ZNF385D: variants seen among roughly 807,000 people sequenced by gnomAD.
ZNF385D encodes zinc finger protein 659.
ZNF385D carries 15 observed loss-of-function variants against 35.8 expected under a neutral mutation model. The observed-to-expected ratio is 0.42, with a 90% CI of 0.28 to 0.64. ZNF385D has a LOEUF of 0.64. Among genes scored for constraint, ZNF385D ranks in the 30% least tolerant of loss-of-function variants. The pLI, the probability that ZNF385D is intolerant of heterozygous loss-of-function variation, is 0.23. For synonymous variants in ZNF385D, 212 were observed against 186.8 expected (o/e 1.13, Z -1.10); for missense variants, 474 against 494.6 (o/e 0.96, Z 0.39).
chr3:21,579,499 G>T (rs1201582178), intron 2 of ZNF385D: 1 of 151,760 alleles, frequency 6.6e-6, no homozygotes, highest in Non-Finnish European at 1.5e-5. Context: ...TGAAATCCTG[G>T]TGCTATTAAA....
Position 22,159,099 on chromosome 3 carries a change from C to T in ZNF385D, c.325+9718G>A, listed in dbSNP as rs542383648. Among the ~76,000 whole-genome samples the T allele has an allele frequency of 5.9e-5, 9 of 151,662 alleles. No individual in the cohort carries two copies. In the East Asian group the frequency reaches 1.8e-3, roughly 30 times the overall value. On this transcript the variant is annotated intron_variant, in intron 3 of 5. Transcript: ENST00000494108. Reference sequence around the variant, plus strand: ...GGTAAAAGATGAAGAAACAAGGTAGCTCTATGTGTACTAAACAGATTTGAA... The same window carrying T: ...GGTAAAAGATGAAGAAACAAGGTAGTTCTATGTGTACTAAACAGATTTGAA...
intron 3 of ZNF385D, among the ~76,000 whole-genome samples, chr3:21,953,844 G>A (rs1477355911): frequency 3.3e-5 from 5 of 151,842 alleles, no homozygotes; most frequent in East Asian, 3.9e-4. Flanking sequence ...TTCTAATTAC[G>A]GTAGTAAACT....
chr3:21,817,506 T>C (rs2073203752), intron 3 of ZNF385D, among the ~76,000 whole-genome samples: 1 of 151,366 alleles, frequency 6.6e-6, no homozygotes, highest in Non-Finnish European at 1.5e-5. Context: ...GAACAACAAG[T>C]GGGTGAAGGA....
intron 3 of ZNF385D, among the ~76,000 whole-genome samples, chr3:22,093,112 C>T (rs1041728029): frequency 1.3e-5 from 2 of 151,704 alleles, no homozygotes; most frequent in African/African-American, 4.8e-5. Context: ...GTGTTGGTGC[C>T]AAATGAAACA....
chr3:21,813,519 A>G (rs1240990049), intron 3 of ZNF385D, among the ~76,000 whole-genome samples: 1 of 152,222 alleles, frequency 6.6e-6, no homozygotes, highest in Non-Finnish European at 1.5e-5. Context: ...GACCTGATGG[A>G]GCTGAAAACC....
chr3:21,962,101 A>G (rs1479964), intron 3 of ZNF385D, among the ~76,000 whole-genome samples: 104,046 of 151,888 alleles, frequency 0.69, 36,796 homozygotes, highest in Non-Finnish European at 0.77. Context: ...CCATCTCATT[A>G]AAGTGCAGAA....
Position 21,751,086 on chromosome 3 carries a change from G to A in ZNF385D, c.-170C>T. Reference sequence around the variant, plus strand: ...CCGCGGGATGAGCGCCTTGCAGGCTGCCTTTCCAGGGCTAAGATCCCCGGC... The same window carrying A: ...CCGCGGGATGAGCGCCTTGCAGGCTACCTTTCCAGGGCTAAGATCCCCGGC... On this transcript the variant is annotated 5_prime_UTR_variant, in exon 1 of 8. The change creates a premature stop within an existing upstream ORF in the 5' untranslated region. Transcript: ENST00000281523. 6.7e-7 allele frequency: 1 copy of A among 1,497,554 alleles called. No homozygotes were observed. Among genetic ancestry groups the A allele is most frequent in the Non-Finnish European group, 8.9e-7 (1 of 1,121,876 alleles). 92.8% of individuals were successfully genotyped at this position (1,497,554 alleles called of 1,614,324 possible). A position where few individuals can be genotyped will look rare whatever the true frequency, so the allele number is the denominator to read the frequency against.
intron 2 of ZNF385D, among the ~76,000 whole-genome samples, chr3:21,618,723 C>CT (rs775211000): frequency 2.0e-5 from 3 of 152,082 alleles, no homozygotes; most frequent in Admixed American, 6.6e-5. Flanking sequence ...GGAAAAAAGT[C>CT]TATCAGTTAA....
chr3:21,744,742 A>G (rs1038997234), intron 1 of ZNF385D, among the ~76,000 whole-genome samples: 1 of 152,168 alleles, frequency 6.6e-6, no homozygotes, highest in Non-Finnish European at 1.5e-5. Flanking sequence ...TACACTGCAG[A>G]GTCCTATGAA....
chr3:21,828,217 C>G (rs1201729212), intron 3 of ZNF385D, among the ~76,000 whole-genome samples: 1 of 152,090 alleles, frequency 6.6e-6, no homozygotes, highest in Non-Finnish European at 1.5e-5. Flanking sequence ...TCCTTTTAAA[C>G]TAATATGTTT....
intron 1 of ZNF385D, among the ~76,000 whole-genome samples, chr3:21,745,413 G>C (rs1224856122): frequency 6.6e-6 from 1 of 152,190 alleles, no homozygotes; most frequent in Non-Finnish European, 1.5e-5. Context: ...TTCAAGGGCT[G>C]TGTAAGCCTG....
At chr3:21,758,243 G>A (rs1042902563) in intron 3 of ZNF385D, among the ~76,000 whole-genome samples, 1 of 152,162 alleles carries the variant, frequency 6.6e-6, no homozygotes, top group Non-Finnish European at 1.5e-5. Flanking sequence ...ATGAGTCAAG[G>A]AAAATATTAG....
At chr3:22,188,803 G>A (rs1056208948) in intron 2 of ZNF385D, among the ~76,000 whole-genome samples, 18 of 152,088 alleles carry the variant, frequency 1.2e-4, no homozygotes, top group African/African-American at 4.1e-4. Context: ...TCTTCTCATG[G>A]TATTAGGAAC....
chr3:21,765,226 G>C (rs1240151115), intron 3 of ZNF385D, among the ~76,000 whole-genome samples: 1 of 152,066 alleles, frequency 6.6e-6, no homozygotes, highest in Non-Finnish European at 1.5e-5. Flanking sequence ...GTGAGAGAGA[G>C]AGAGAGAGAG....
intron 3 of ZNF385D, among the ~76,000 whole-genome samples, chr3:22,019,034 CTTTTTTTTTTTTTTTTTTTT>C (rs11380195): frequency 3.1e-5 from 2 of 64,460 alleles, no homozygotes; most frequent in Non-Finnish European, 5.6e-5. Context: ...AGTTATTTAC[CTTTTTTTTTTTTTTTTTTTT>C]TTTTTTTTTT....
chr3:21,549,305 G>C (rs188438811), intron 3 of ZNF385D, among the ~76,000 whole-genome samples: 1 of 152,186 alleles, frequency 6.6e-6, no homozygotes, highest in Admixed American at 6.5e-5. Context: ...TTAAAAGCCT[G>C]CCAAAGAAGC....
At chr3:21,611,712 T>C (rs73819322) in intron 2 of ZNF385D, among the ~76,000 whole-genome samples, 4,089 of 152,152 alleles carry the variant, frequency 0.027, 190 homozygotes, top group African/African-American at 0.094. Flanking sequence ...ACCCTCATGG[T>C]CAAGGGCCAA....
chr3:21,920,089 A>G (rs1397440635), intron 3 of ZNF385D, among the ~76,000 whole-genome samples: 1 of 152,202 alleles, frequency 6.6e-6, no homozygotes, highest in African/African-American at 2.4e-5. Context: ...TGGTTTTTAA[A>G]TTTTTAAATG....
chr3:22,297,659 T>A (rs956174186), intron 2 of ZNF385D, among the ~76,000 whole-genome samples: 2 of 152,044 alleles, frequency 1.3e-5, no homozygotes, highest in African/African-American at 4.8e-5. Context: ...GTTCTTTTCT[T>A]CCTACTTTCC....
Sources: allele counts gnomAD v4.1 joint callset (sites outside exome capture counted in the v4.1 genomes callset), GRCh38; gene constraint gnomAD v4.1.1; transcripts MANE v1.5; gene names NCBI Gene and HGNC (gene_info 2026-07-23, HGNC 2026-07-21).